The following AOX1 variants were observed in gnomAD, a reference collection of about 807,000 sequenced individuals.
AOX1 encodes aldehyde oxidase.
In AOX1, 153 loss-of-function variants were observed where a neutral mutation model predicts 169.5. That is an observed-to-expected ratio of 0.90 (90% CI 0.79 to 1.03). The LOEUF (loss-of-function observed/expected upper bound fraction) is 1.03. Ranked by LOEUF, AOX1 falls within the 50% of genes least tolerant of loss-of-function variation. AOX1 has a pLI of 0.00. For missense variants in AOX1, 1,656 were observed against 1,663.9 expected (o/e 1.00, Z 0.08); for synonymous variants, 562 against 581.9 (o/e 0.97, Z 0.49).
chr2:200,657,191 T>TATATATATATATATATATATATTTTC (rs1491522418), intron 27 of AOX1, among the ~76,000 whole-genome samples: 12 of 45,472 alleles, frequency 2.6e-4, no homozygotes, highest in African/African-American at 1.0e-3. Flanking sequence ...TATATATATA[T>TATATATATATATATATATATATTTTC]TTTTTTTTTT....
chr2:200,636,360 C>T (rs963877276), intron 21 of AOX1, among the ~76,000 whole-genome samples: 2 of 151,926 alleles, frequency 1.3e-5, no homozygotes, highest in Non-Finnish European at 2.9e-5. Flanking sequence ...AACTCCTGAC[C>T]TCAGGTGATC....
intron 20 of AOX1, among the ~76,000 whole-genome samples, chr2:200,633,918 T>C (rs965238220): frequency 6.6e-6 from 1 of 152,028 alleles, no homozygotes; most frequent in African/African-American, 2.4e-5. Flanking sequence ...TAGGTAGGGG[T>C]TGTAAGTCCA....
chr2:200,597,617 C>A, intron 4 of AOX1, 112 bp downstream of exon 4: 1 of 552,042 alleles, frequency 1.8e-6, no homozygotes, highest in Non-Finnish European at 3.1e-6. Context: ...TCGGCCACTC[C>A]AACAGATACA....
At position 200,671,157 on chromosome 2, in the gene AOX1, C is replaced by T. The variant is rs1403396577; in HGVS notation, c.*478C>T. The T allele has an allele frequency of 6.6e-6, 1 of 152,270 alleles. No individual in the cohort carries two copies. The highest frequency in any genetic ancestry group is 1.5e-5 in the Non-Finnish European group (1 of 68,312). 9.4% of individuals were successfully genotyped at this position (152,270 alleles called of 1,614,324 possible). On this transcript the variant is annotated 3_prime_UTR_variant, in exon 35 of 35. Transcript: ENST00000374700. ...ATATAGACACTGTATCTAAGTGGGA[C>T]CAAAGAAAAAATAGCGAACTTTCAC...
At chr2:200,624,878 G>T (rs1051932122) in intron 19 of AOX1, among the ~76,000 whole-genome samples, 6 of 152,170 alleles carry the variant, frequency 3.9e-5, no homozygotes, top group African/African-American at 1.4e-4. Flanking sequence ...GGCCGCATGT[G>T]CTCTGGGACA....
chr2:200,668,945 C>A, intron 33 of AOX1, 142 bp downstream of exon 33: 2 of 701,688 alleles, frequency 2.9e-6, no homozygotes, highest in Non-Finnish European at 4.6e-6. Context: ...TAATTCTAAT[C>A]TAACATTATG....
intron 1 of AOX1, among the ~76,000 whole-genome samples, chr2:200,587,661 G>A (rs1423660160): frequency 6.6e-6 from 1 of 152,178 alleles, no homozygotes; most frequent in East Asian, 1.9e-4. Context: ...GGGTCATTAG[G>A]ACCCCTTCAC....
intron 21 of AOX1, among the ~76,000 whole-genome samples, chr2:200,635,185 C>T (rs1347531269): frequency 6.6e-6 from 1 of 152,008 alleles, no homozygotes; most frequent in Non-Finnish European, 1.5e-5. Context: ...GTATTAATAG[C>T]CATATTGATT....
At chr2:200,630,096 G>A (rs565179253) in intron 20 of AOX1, among the ~76,000 whole-genome samples, 2 of 151,526 alleles carry the variant, frequency 1.3e-5, no homozygotes, top group East Asian at 1.9e-4. Flanking sequence ...AAAGGAAGCC[G>A]GGCATGGTGG....
intron 13 of AOX1, 133 bp from the exon 14 acceptor site, chr2:200,612,476 C>A: frequency 1.2e-6 from 1 of 808,982 alleles, no homozygotes; most frequent in Non-Finnish European, 2.1e-6. Flanking sequence ...CACACACACA[C>A]TACCTGGTGT....
At chr2:200,675,510 A>T (rs916484967), downstream of AOX1, among the ~76,000 whole-genome samples, 1 of 152,182 alleles carries the variant, frequency 6.6e-6, no homozygotes, top group African/African-American at 2.4e-5. Context: ...TAAGGAACAC[A>T]TTTTAGAAGG....
chr2:200,589,962 T>C (rs1030787248), intron 1 of AOX1, among the ~76,000 whole-genome samples: 2 of 152,170 alleles, frequency 1.3e-5, no homozygotes, highest in Non-Finnish European at 2.9e-5. Context: ...AAAATGAATT[T>C]TAAAAGCAAC....
intron 16 of AOX1, 47 bp downstream of exon 16, chr2:200,616,110 T>A: frequency 7.4e-7 from 1 of 1,347,610 alleles, no homozygotes; most frequent in Non-Finnish European, 1.1e-6. Context: ...TGGGCTATAG[T>A]GATTTGACCT....
chr2:200,613,027 T>TGTGTGAGAGAGA lies in AOX1; in HGVS notation c.1448+235_1448+236insTGTGAGAGAGAG, dbSNP rs112472592. Among the ~76,000 whole-genome samples the TGTGTGAGAGAGA allele has an allele frequency of 1.3e-4, 19 of 146,208 alleles. No individual in the cohort carries two copies. The East Asian group carries it at 2.4e-3, about 19-fold the overall frequency. On this transcript the variant is annotated intron_variant, in intron 14 of 34. Coordinates refer to ENST00000374700, the MANE Select transcript of AOX1 (RefSeq NM_001159.4). ...GCGTGTGTGTGTGTGTGTGTGTGTG[T>TGTGTGAGAGAGA]GAGAGAGAGAGAGAGAGACAGACAG...
intron 5 of AOX1, among the ~76,000 whole-genome samples, chr2:200,601,285 A>G (rs1298738900): frequency 6.6e-6 from 1 of 152,166 alleles, no homozygotes; most frequent in Non-Finnish European, 1.5e-5. Context: ...AGAGAATAGA[A>G]TGGTGATTAC....
At chr2:200,588,498 A>G (rs1422446818) in intron 1 of AOX1, among the ~76,000 whole-genome samples, 1 of 152,170 alleles carries the variant, frequency 6.6e-6, no homozygotes, top group African/African-American at 2.4e-5. Flanking sequence ...TTTTAAAATT[A>G]GATAAGCTAG....
At chr2:200,651,796 C>T (rs1057374666) in intron 26 of AOX1, among the ~76,000 whole-genome samples, 3 of 151,948 alleles carry the variant, frequency 2.0e-5, no homozygotes, top group African/African-American at 7.3e-5. Context: ...TAAAGAAATC[C>T]CCTTGCTTGG....
intron 25 of AOX1, among the ~76,000 whole-genome samples, chr2:200,644,256 G>A (rs900338878): frequency 2.0e-5 from 3 of 152,210 alleles, no homozygotes; most frequent in Non-Finnish European, 4.4e-5. Context: ...TCAGAGATGA[G>A]GATCCAGTTT....
chr2:200,659,595 G>A (rs1335228570), intron 28 of AOX1, among the ~76,000 whole-genome samples: 1 of 152,144 alleles, frequency 6.6e-6, no homozygotes, highest in African/African-American at 2.4e-5. Flanking sequence ...TCTCCCCAGG[G>A]CCGATGCAGG....
Sources: allele counts gnomAD v4.1 joint callset (sites outside exome capture counted in the v4.1 genomes callset), GRCh38; gene constraint gnomAD v4.1.1; transcripts MANE v1.5; gene names NCBI Gene and HGNC (gene_info 2026-07-23, HGNC 2026-07-21).